MCF2: variants seen among roughly 807,000 people sequenced by gnomAD.
MCF2 encodes the protein proto-oncogene DBL.
A neutral mutation model predicts 82.5 loss-of-function variants in MCF2; 44 were observed. The observed-to-expected ratio is 0.53, with a 90% CI of 0.42 to 0.69. The LOEUF (loss-of-function observed/expected upper bound fraction) is 0.69, where lower values mean the gene tolerates loss of function less well. Among genes scored for constraint, MCF2 ranks in the 30% least tolerant of loss-of-function variants. The pLI is 0.00. For missense variants in MCF2, 623 were observed against 663.1 expected, an observed-to-expected ratio of 0.94 and a Z score of 0.66; for synonymous variants, 217 against 224.9, an observed-to-expected ratio of 0.96 and a Z score of 0.32.
At chrX:139,692,209 C>G (rs775934942) in intron 1 of MCF2, 8 of 783,650 alleles carry the variant, frequency 1.0e-5, no homozygotes, top group African/African-American at 2.1e-5. Flanking sequence ...CGGGCAGGGC[C>G]GCTACTCCAG....
At chrX:139,583,645 G>C (rs1928664406) in intron 24 of MCF2, among the ~76,000 whole-genome samples, 1 of 111,161 alleles carries the variant, frequency 9.0e-6, no homozygotes, top group Non-Finnish European at 1.9e-5. Flanking sequence ...CTACATGTTG[G>C]GTACTATGCT....
At chrX:139,701,902 C>A (rs1018562484) in intron 1 of MCF2, among the ~76,000 whole-genome samples, 2 of 111,997 alleles carry the variant, frequency 1.8e-5, no homozygotes, top group African/African-American at 6.5e-5. Flanking sequence ...TGATCTGGGC[C>A]CTGCCTGCTT....
chrX:139,666,038 G>A (rs1343211285), intron 1 of MCF2, among the ~76,000 whole-genome samples: 1 of 104,466 alleles, frequency 9.6e-6, no homozygotes, highest in Non-Finnish European at 2.0e-5. Context: ...GGCATACAAT[G>A]TGAAATAAGC....
chrX:139,590,640 C>T (rs113128390), intron 19 of MCF2, among the ~76,000 whole-genome samples: 2,730 of 110,889 alleles, frequency 0.025, 41 homozygotes, highest in East Asian at 0.081. Flanking sequence ...TTTCTGCTAA[C>T]AGCTTGGCTA....
intron 1 of MCF2, among the ~76,000 whole-genome samples, chrX:139,673,648 A>T (rs1358846105): frequency 1.8e-5 from 2 of 111,959 alleles, no homozygotes; most frequent in Non-Finnish European, 3.8e-5. Context: ...CTTAATCCTG[A>T]GTTCTAATTT....
intron 21 of MCF2, 25 bp from the exon 26 acceptor site, chrX:139,587,813 A>T: frequency 9.8e-7 from 1 of 1,016,601 alleles, no homozygotes; most frequent in Non-Finnish European, 1.4e-6. Flanking sequence ...AAAGCATATT[A>T]TCATTCAGAA....
chrX:139,601,997 C>T (rs1162758510), intron 16 of MCF2, among the ~76,000 whole-genome samples: 2 of 111,176 alleles, frequency 1.8e-5, no homozygotes. Flanking sequence ...AAAGAAATTA[C>T]GTAGTCTTAA....
At chrX:139,603,739 G>A (rs867567704) in intron 15 of MCF2, among the ~76,000 whole-genome samples, 9 of 111,249 alleles carry the variant, frequency 8.1e-5, no homozygotes, top group Admixed American at 5.7e-4. Context: ...GGAGGCTGAG[G>A]CAGGAGAATG....
chrX:139,651,783 C>T (rs768202640), exon 2 of MCF2: 25 of 1,138,009 alleles, frequency 2.2e-5, no homozygotes, highest in Non-Finnish European at 2.6e-5. Context: ...AGGAGCAGAT[C>T]GGTTTCTATG....
At chrX:139,656,048 T>C (rs760887697) in intron 1 of MCF2, among the ~76,000 whole-genome samples, 9 of 112,101 alleles carry the variant, frequency 8.0e-5, no homozygotes, top group Non-Finnish European at 1.5e-4. Context: ...CTGTTTTTTT[T>C]TGTTTGTTTG....
chrX:139,606,016 C>CACAT (rs747672971), intron 12 of MCF2, among the ~76,000 whole-genome samples: 1 of 96,768 alleles, frequency 1.0e-5, no homozygotes, highest in Non-Finnish European at 2.0e-5. Context: ...ATATATATAA[C>CACAT]ATATATATAT....
chrX:139,685,187 C>T (rs1291281692), intron 1 of MCF2, among the ~76,000 whole-genome samples: 3 of 110,682 alleles, frequency 2.7e-5, no homozygotes, highest in Non-Finnish European at 3.8e-5. Context: ...TAGAAGATAT[C>T]CAAATTGGAA....
At chrX:139,619,661 C>T in exon 7 of MCF2, 1 of 1,181,827 alleles carries the variant, frequency 8.5e-7, no homozygotes. Context: ...GTTACATCAG[C>T]CAGTTCTGCT....
chrX:139,702,781 A>G (rs1229199993), intron 1 of MCF2, among the ~76,000 whole-genome samples: 1 of 112,565 alleles, frequency 8.9e-6, no homozygotes, highest in East Asian at 2.8e-4. Flanking sequence ...GTTCGAGCCA[A>G]TATCAGGACA....
At chrX:139,610,323 C>G (rs1569355916) in exon 11 of MCF2, 1 of 1,177,424 alleles carries the variant, frequency 8.5e-7, no homozygotes, top group Non-Finnish European at 1.1e-6. Context: ...CTGATTTTGT[C>G]TCCAAGTCTT....
intron 16 of MCF2, among the ~76,000 whole-genome samples, chrX:139,600,435 T>C (rs910686250): frequency 9.0e-6 from 1 of 111,257 alleles, no homozygotes; most frequent in African/African-American, 3.3e-5. Flanking sequence ...TGGATGTTTA[T>C]CTAGAAAGAG....
intron 24 of MCF2, among the ~76,000 whole-genome samples, chrX:139,583,406 A>G (rs940230301): frequency 8.9e-6 from 1 of 111,933 alleles, no homozygotes; most frequent in Non-Finnish European, 1.9e-5. Context: ...ATACCATGGA[A>G]TACTCTGCAG....
intron 1 of MCF2, among the ~76,000 whole-genome samples, chrX:139,664,929 T>G (rs1371809728): frequency 9.0e-6 from 1 of 111,272 alleles, no homozygotes; most frequent in Non-Finnish European, 1.9e-5. Flanking sequence ...TTCAAGGCAG[T>G]AGGTTCCCTT....
intron 10 of MCF2, among the ~76,000 whole-genome samples, chrX:139,612,571 CA>C (rs1399416007): frequency 9.2e-6 from 1 of 108,288 alleles, no homozygotes; most frequent in Non-Finnish European, 1.9e-5. Flanking sequence ...AACCAAAGAA[CA>C]AAAAAACAGT....
Sources: gnomAD v4.1 joint callset for allele counts (sites outside exome capture counted in the v4.1 genomes callset) on GRCh38, gnomAD v4.1.1 for gene constraint, MANE v1.5 for transcripts, NCBI Gene and HGNC (gene_info 2026-07-23, HGNC 2026-07-21) for gene names.